The following NCK2 variants were observed in gnomAD, a reference collection of about 807,000 sequenced individuals.
NCK2 encodes the protein cytoplasmic protein NCK2.
NCK2 carries 16 observed loss-of-function variants against 33.9 expected under a neutral mutation model. The ratio of observed to expected loss-of-function variants is 0.47; its 90% CI spans 0.32 to 0.72. NCK2 has a LOEUF of 0.72. NCK2 is among the 30% of genes least tolerant of loss of function. The probability of loss-of-function intolerance (pLI) is 0.03; values close to 1 mark genes in which losing one functional copy is unlikely to be tolerated. For synonymous variants in NCK2, 273 were observed against 239.9 expected (o/e 1.14, Z -1.27); for missense variants, 418 against 537.3 (o/e 0.78, Z 2.19).
intron 1 of NCK2, among the ~76,000 whole-genome samples, chr2:105,769,771 G>A (rs1690067171): frequency 6.8e-6 from 1 of 147,418 alleles, no homozygotes; most frequent in Non-Finnish European, 1.5e-5. Flanking sequence ...ATGTGTCAGT[G>A]TGTCAGGCGT....
intron 1 of NCK2, among the ~76,000 whole-genome samples, chr2:105,753,542 A>C (rs1689519421): frequency 6.6e-6 from 1 of 152,142 alleles, no homozygotes; most frequent in African/African-American, 2.4e-5. Flanking sequence ...TGCCATTGTA[A>C]ATGCCTGTGT....
intron 1 of NCK2, among the ~76,000 whole-genome samples, chr2:105,779,675 A>G (rs536460483): frequency 2.0e-5 from 3 of 152,096 alleles, no homozygotes; most frequent in Non-Finnish European, 4.4e-5. Context: ...GGTGGAGGAG[A>G]GGAGGAAAGA....
intron 1 of NCK2, among the ~76,000 whole-genome samples, chr2:105,802,161 A>G (rs769450944): frequency 2.6e-5 from 4 of 152,176 alleles, no homozygotes; most frequent in Non-Finnish European, 5.9e-5. Context: ...GCCAGGATTT[A>G]GGACTCTTGA....
intron 1 of NCK2, among the ~76,000 whole-genome samples, chr2:105,813,626 C>T (rs1675371842): frequency 6.6e-6 from 1 of 152,206 alleles, no homozygotes. Context: ...TGCAGGGGGG[C>T]ATCTCACTGC....
At chr2:105,781,007 G>C (rs989023944) in intron 1 of NCK2, among the ~76,000 whole-genome samples, 3 of 152,132 alleles carry the variant, frequency 2.0e-5, no homozygotes, top group Non-Finnish European at 1.5e-5. Context: ...TTTTCTCATT[G>C]CCCGAATCTA....
intron 1 of NCK2, among the ~76,000 whole-genome samples, chr2:105,755,748 A>ATGG (rs1689583484): frequency 6.6e-6 from 1 of 152,204 alleles, no homozygotes. Context: ...AGTTTTGCCT[A>ATGG]ATCAAAGACA....
intron 1 of NCK2, among the ~76,000 whole-genome samples, chr2:105,747,032 A>C (rs899917290): frequency 1.3e-5 from 2 of 152,208 alleles, no homozygotes; most frequent in Admixed American, 1.3e-4. Flanking sequence ...TGGCTGCTGC[A>C]TAACCCCCTC....
chr2:105,785,994 C>CGT (rs1690668167), intron 1 of NCK2, among the ~76,000 whole-genome samples: 3 of 152,136 alleles, frequency 2.0e-5, no homozygotes, highest in African/African-American at 4.8e-5. Flanking sequence ...TTTTCGTAAA[C>CGT]GTGTGTGTGT....
chr2:105,822,075 C>T (rs1675761295), intron 2 of NCK2, among the ~76,000 whole-genome samples: 1 of 151,918 alleles, frequency 6.6e-6, no homozygotes, highest in Admixed American at 6.5e-5. Context: ...GCTCCCATTT[C>T]CTGACCCAAA....
intron 1 of NCK2, among the ~76,000 whole-genome samples, chr2:105,804,701 G>A (rs1261068712): frequency 6.6e-6 from 1 of 152,160 alleles, no homozygotes; most frequent in Non-Finnish European, 1.5e-5. Flanking sequence ...TTTATTGAAT[G>A]AAATACTCAA....
intron 3 of NCK2, among the ~76,000 whole-genome samples, chr2:105,872,248 C>T (rs527292340): frequency 5.4e-4 from 83 of 152,334 alleles, no homozygotes; most frequent in African/African-American, 1.8e-3. Flanking sequence ...AAGGTGCCTG[C>T]TGCTGCTTGC....
At chr2:105,807,179 G>T (rs1480971825) in intron 1 of NCK2, among the ~76,000 whole-genome samples, 1 of 152,170 alleles carries the variant, frequency 6.6e-6, no homozygotes, top group Non-Finnish European at 1.5e-5. Context: ...ATTAGAACCT[G>T]GGCCCTGACC....
intron 1 of NCK2, among the ~76,000 whole-genome samples, chr2:105,807,841 C>T (rs1385068507): frequency 6.3e-5 from 1 of 15,962 alleles, no homozygotes; most frequent in Non-Finnish European, 1.0e-4. Context: ...TTCTATCTCT[C>T]CCTCCCTCCC....
chr2:105,856,806 CT>C (rs1333410560), intron 3 of NCK2: 1 of 152,188 alleles, frequency 6.6e-6, no homozygotes, highest in Non-Finnish European at 1.5e-5. Flanking sequence ...AGCTGCCTCC[CT>C]TTCATCTTTT....
At chr2:105,796,998 T>C (rs1691102575) in intron 1 of NCK2, among the ~76,000 whole-genome samples, 1 of 152,196 alleles carries the variant, frequency 6.6e-6, no homozygotes. Flanking sequence ...GCTGTGATGA[T>C]GGTTACAAGC....
chr2:105,886,593 G>C (rs1314045729), intron 4 of NCK2, among the ~76,000 whole-genome samples: 1 of 152,186 alleles, frequency 6.6e-6, no homozygotes, highest in African/African-American at 2.4e-5. Context: ...ACGTTGTGGA[G>C]TATGCACTTG....
At chr2:105,771,426 G>C (rs141130115) in intron 1 of NCK2, among the ~76,000 whole-genome samples, 2,858 of 151,898 alleles carry the variant, frequency 0.019, 49 homozygotes, top group Non-Finnish European at 0.022. Flanking sequence ...AATTAGCTGG[G>C]TGTGGTGAGG....
At chr2:105,871,034 G>A (rs903597295) in intron 3 of NCK2, among the ~76,000 whole-genome samples, 19 of 152,124 alleles carry the variant, frequency 1.2e-4, no homozygotes, top group South Asian at 6.3e-4. Flanking sequence ...TCCTACTTTC[G>A]CTCACACCCC....
chr2:105,828,501 T>G (rs1676042922), intron 2 of NCK2, among the ~76,000 whole-genome samples: 1 of 152,212 alleles, frequency 6.6e-6, no homozygotes, highest in Non-Finnish European at 1.5e-5. Flanking sequence ...GTGCAGAATT[T>G]AAGCATGTGA....
Sources: allele counts gnomAD v4.1 joint callset (sites outside exome capture counted in the v4.1 genomes callset), GRCh38; gene constraint gnomAD v4.1.1; transcripts MANE v1.5; gene names NCBI Gene and HGNC (gene_info 2026-07-23, HGNC 2026-07-21).